GRPEL1: variants seen among roughly 807,000 people sequenced by gnomAD.
The protein encoded by GRPEL1 is grpE protein homolog 1, mitochondrial.
In GRPEL1, 13 loss-of-function variants were observed where a neutral mutation model predicts 22.1. The observed-to-expected ratio is 0.59, with a 90% CI of 0.38 to 0.94. The LOEUF is 0.94. Among genes scored for constraint, GRPEL1 ranks in the 40% least tolerant of loss-of-function variants. The pLI is 0.00. For missense variants in GRPEL1, 289 were observed against 264.6 expected (o/e 1.09, Z -0.64); for synonymous variants, 109 against 105.3 (o/e 1.03, Z -0.21).
At chr4:7,063,247 G>A (rs969737948) in intron 2 of GRPEL1, among the ~76,000 whole-genome samples, 3 of 151,934 alleles carry the variant, frequency 2.0e-5, no homozygotes, top group African/African-American at 7.3e-5. Flanking sequence ...GCACCACCAC[G>A]CCCAGCTAAT....
chr4:7,061,167 C>G lies in GRPEL1; in HGVS notation c.349G>C (p.Val117Leu). ...ACACACTGTGTTGCCTTCTCCAGAA[C>G]GTCTGCCACCTCCAACAAGTCCTTG... ...FCKDLLEVAD[V>L]LEKATQCVPK... Residue 117 changes from valine to leucine, a missense_variant, in exon 4 of 4, where the codon GTT becomes CTT. Physicochemically the swap from Val to Leu is conservative, Grantham distance 32. Coordinates refer to ENST00000264954, the MANE Select transcript of GRPEL1 (RefSeq NM_025196.4). 1 of 1,613,558 alleles carries G rather than the reference C, an allele frequency of 6.2e-7. No homozygotes were observed. Among genetic ancestry groups the G allele is most frequent in the Non-Finnish European group, 8.5e-7 (1 of 1,179,778 alleles).
Position 7,059,373 on chromosome 4 carries a change from T to C in GRPEL1, c.*1489A>G, listed in dbSNP as rs1723981666. The C allele has an allele frequency of 6.6e-6, 1 of 152,190 alleles. No homozygotes were observed. Among genetic ancestry groups the C allele is most frequent in the Non-Finnish European group, 1.5e-5 (1 of 68,030 alleles). 9.4% of individuals were successfully genotyped at this position (152,190 alleles called of 1,614,324 possible). ...AGGAGACTGCAAACATTCACAGAAA[T>C]GAGTTGATAAATTACTTTTCTTAGC... On this transcript the variant is annotated 3_prime_UTR_variant, in exon 4 of 4. Coordinates refer to ENST00000264954, the MANE Select transcript of GRPEL1 (RefSeq NM_025196.4).
In GRPEL1 at chr4:7,067,256, AG is replaced by A. The variant is rs575378932; in HGVS notation, c.62+714del. The stretch of plus-strand genomic sequence containing the variant: ...TCAAAAAGCAGAAGGGGCAGATTTG[AG>A]GGGAAAAAAAAAAAGGGGCACTGTC... On this transcript the variant is annotated intron_variant, in intron 1 of 3. Transcript: ENST00000264954. Among the ~76,000 whole-genome samples the A allele has an allele frequency of 1.3e-4, 11 of 82,670 alleles. No homozygotes were observed. The Admixed American group carries it at 1.4e-3, about 11-fold the overall frequency. The allele number at this position is 82,670 out of a possible 152,430, so 54.2% of individuals were successfully genotyped here.
intron 2 of GRPEL1, among the ~76,000 whole-genome samples, chr4:7,063,553 T>C (rs1246528359): frequency 1.3e-5 from 2 of 152,220 alleles, no homozygotes; most frequent in Non-Finnish European, 2.9e-5. Flanking sequence ...GATTAACATA[T>C]GTAACGGGTT....
intron 3 of GRPEL1, chr4:7,062,166 A>G: frequency 3.1e-6 from 1 of 319,742 alleles, no homozygotes; most frequent in Middle Eastern, 8.3e-4. Flanking sequence ...GGGGGAGGAC[A>G]CACCTATTTA....
At chr4:7,066,764 C>T (rs1724178658) in intron 1 of GRPEL1, among the ~76,000 whole-genome samples, 1 of 152,172 alleles carries the variant, frequency 6.6e-6, no homozygotes, top group South Asian at 2.1e-4. Context: ...ACACCCGGGG[C>T]CATCTCGTTC....
At chr4:7,064,753 C>T (rs1258522973) in intron 1 of GRPEL1, among the ~76,000 whole-genome samples, 1 of 152,178 alleles carries the variant, frequency 6.6e-6, no homozygotes, top group Non-Finnish European at 1.5e-5. Context: ...CCCGCGTTGG[C>T]CTCCCAAAGT....
rs3796908 is a variant in GRPEL1, at chr4:7,059,651, G to A, written c.*1211C>T. 0.75 allele frequency: 114,124 copies of A among 152,240 alleles called. 43,099 individuals are homozygous for A. The highest frequency in any genetic ancestry group is 0.82 in the South Asian group (3,964 of 4,830). The allele number at this position is 152,240 out of a possible 1,614,324, so 9.4% of individuals were successfully genotyped here. Reference sequence around the variant, plus strand: ...TGAAATAAACTGCCCCATCTTTCCTGTGCAGCAAATGGCTTTCACAAGTAT... The same window carrying A: ...TGAAATAAACTGCCCCATCTTTCCTATGCAGCAAATGGCTTTCACAAGTAT... On this transcript the variant is annotated 3_prime_UTR_variant, in exon 4 of 4. Transcript: ENST00000264954.
Position 7,060,900 on chromosome 4 carries a change from G to C in GRPEL1, c.616C>G (p.Leu206Val). ...KVGYKLHGRTLRPALVGVVKE... is the reference protein window; with the variant it reads ...KVGYKLHGRTVRPALVGVVKE... ...ACCACCCCCACCAGGGCGGGTCTCA[G>C]AGTGCGCCCATGCAGCTTGTACCCC... The change falls in exon 4 of 4, where the codon CTG becomes GTG. Residue 206 changes from leucine to valine, a missense_variant. Leu to Val is a conservative substitution (Grantham distance 32). Coordinates refer to ENST00000264954, the MANE Select transcript of GRPEL1 (RefSeq NM_025196.4). The C allele has an allele frequency of 1.2e-6, 2 of 1,614,112 alleles. No homozygotes were observed. The highest frequency in any genetic ancestry group is 1.3e-5 in the African/African-American group (1 of 75,054).
At chr4:7,061,397 CAGAATTTACTAAATTT>C in intron 3 of GRPEL1, 189 bp from the exon 4 acceptor site, 1 of 562,938 alleles carries the variant, frequency 1.8e-6, no homozygotes, top group Non-Finnish European at 3.1e-6. Context: ...GGATGAGACC[CAGAATTTACTAAATTT>C]AGAATTCACT....
chr4:7,061,248 A>G, intron 3 of GRPEL1, 40 bp from the exon 4 acceptor site: 1 of 1,527,382 alleles, frequency 6.5e-7, no homozygotes, highest in Non-Finnish European at 8.9e-7. Flanking sequence ...CTCCATACCA[A>G]CCGCACAGGG....
At chr4:7,067,272 G>A (rs931505822) in intron 1 of GRPEL1, among the ~76,000 whole-genome samples, 4 of 139,372 alleles carry the variant, frequency 2.9e-5, no homozygotes, top group Non-Finnish European at 6.3e-5. Flanking sequence ...AAAAAAAAAA[G>A]GGGCACTGTC....
chr4:7,061,033 G>A lies in GRPEL1; in HGVS notation c.483C>T (p.Leu161=). 2 of 1,614,194 alleles carry A rather than the reference G, an allele frequency of 1.2e-6. No individual in the cohort carries two copies. Among genetic ancestry groups the A allele is most frequent in the South Asian group, 1.1e-5 (1 of 91,084 alleles). Residue 161 remains leucine (L), a synonymous_variant, in exon 4 of 4, where the codon CTC becomes CTT. Transcript: ENST00000264954. ...IQKVFTKHGL[L]KLNPVGAKFD... ...ACTTGGCTCCGACAGGGTTCAACTT[G>A]AGCAAGCCATGCTTTGTGAACACCT... is the stretch of plus-strand genomic sequence containing the variant.
At chr4:7,064,721 T>C (rs1236214289) in intron 1 of GRPEL1, among the ~76,000 whole-genome samples, 1 of 152,150 alleles carries the variant, frequency 6.6e-6, no homozygotes, top group Non-Finnish European at 1.5e-5. Flanking sequence ...CTAGTCTTGA[T>C]ATCCTGACCT....
At chr4:7,065,495 CAA>C (rs1724145115) in intron 1 of GRPEL1, among the ~76,000 whole-genome samples, 1 of 132,970 alleles carries the variant, frequency 7.5e-6, no homozygotes, top group African/African-American at 2.9e-5. Flanking sequence ...GCCTGGGCGA[CAA>C]GAGGGAAACT....
intron 3 of GRPEL1, 23 bp downstream of exon 3, chr4:7,062,362 A>G: frequency 7.6e-7 from 1 of 1,313,396 alleles, no homozygotes; most frequent in Non-Finnish European, 1.1e-6. Context: ...TCCGGAATCA[A>G]CACCATGTTA....
At chr4:7,062,845 G>C (rs1298314781) in intron 2 of GRPEL1, among the ~76,000 whole-genome samples, 1 of 152,098 alleles carries the variant, frequency 6.6e-6, no homozygotes, top group Non-Finnish European at 1.5e-5. Flanking sequence ...CAAAGTCATA[G>C]GAAAGCGAGC....
chr4:7,063,883 G>C (rs797002852), intron 2 of GRPEL1, among the ~76,000 whole-genome samples, 178 bp downstream of exon 2: 5 of 152,350 alleles, frequency 3.3e-5, no homozygotes, highest in African/African-American at 1.2e-4. Context: ...GAGTTGCACA[G>C]GATTTGGGTT....
intron 3 of GRPEL1, 21 bp from the exon 4 acceptor site, chr4:7,061,229 T>C (rs1375013720): frequency 1.9e-6 from 3 of 1,580,580 alleles, no homozygotes; most frequent in Non-Finnish European, 2.6e-6. Flanking sequence ...TTAAAGAAGA[T>C]CATTTGCACT....
Sources: gnomAD v4.1 joint callset for allele counts (sites outside exome capture counted in the v4.1 genomes callset) on GRCh38, gnomAD v4.1.1 for gene constraint, MANE v1.5 for transcripts, NCBI Gene and HGNC (gene_info 2026-07-23, HGNC 2026-07-21) for gene names.